Variants in BMPER observed in about 807,000 individuals in gnomAD.
BMPER encodes BMP-binding endothelial regulator protein.
BMPER carries 45 observed loss-of-function variants against 87.3 expected under a neutral mutation model. The ratio of observed to expected loss-of-function variants is 0.52; its 90% CI spans 0.41 to 0.66. The LOEUF is 0.66. BMPER is among the 30% of genes least tolerant of loss of function. The pLI, the probability that BMPER is intolerant of heterozygous loss-of-function variation, is 0.00. For synonymous variants in BMPER, 326 were observed against 316.2 expected, an observed-to-expected ratio of 1.03 and a Z score of -0.33; for missense variants, 784 against 867.5, an observed-to-expected ratio of 0.90 and a Z score of 1.21.
chr7:34,038,861 T>C (rs1195288013), intron 6 of BMPER, among the ~76,000 whole-genome samples: 1 of 152,218 alleles, frequency 6.6e-6, no homozygotes, highest in Non-Finnish European at 1.5e-5. Flanking sequence ...CCAAAACTCA[T>C]ATGTAGCCAT....
intron 14 of BMPER, among the ~76,000 whole-genome samples, chr7:34,150,854 T>C (rs1416672769): frequency 6.6e-6 from 1 of 152,148 alleles, no homozygotes; most frequent in African/African-American, 2.4e-5. Flanking sequence ...GGTGTGTGTA[T>C]GTAGCGAGAG....
chr7:33,940,559 C>T (rs1784726654), intron 3 of BMPER, among the ~76,000 whole-genome samples: 1 of 152,130 alleles, frequency 6.6e-6, no homozygotes. Context: ...AACTCTTTTG[C>T]ATTCTGCATT....
intron 6 of BMPER, among the ~76,000 whole-genome samples, chr7:34,004,614 C>G (rs908412479): frequency 6.6e-6 from 1 of 152,148 alleles, no homozygotes; most frequent in Non-Finnish European, 1.5e-5. Context: ...AAGTGACTTT[C>G]TTAAACTTAT....
chr7:33,965,801 T>C (rs1785391100), intron 3 of BMPER, among the ~76,000 whole-genome samples: 1 of 152,248 alleles, frequency 6.6e-6, no homozygotes, highest in African/African-American at 2.4e-5. Context: ...ACTGGCTTAT[T>C]TCTTCTTTTG....
chr7:33,907,448 T>G (rs1783850561), intron 2 of BMPER, among the ~76,000 whole-genome samples: 2 of 152,200 alleles, frequency 1.3e-5, no homozygotes, highest in African/African-American at 2.4e-5. Context: ...ATTTCTGATT[T>G]GGAAGCATGA....
chr7:33,970,318 C>T lies in BMPER; in HGVS notation c.403-11C>T. Reference sequence around the variant, plus strand: ...CTGGGCTGACTTTGCTTGTTTTGTTCTGTGTTTCAGGAGGGCGTTGTCACA... The same window carrying T: ...CTGGGCTGACTTTGCTTGTTTTGTTTTGTGTTTCAGGAGGGCGTTGTCACA... On this transcript the variant is annotated splice_polypyrimidine_tract_variant and intron_variant, in intron 4 of 14. Transcript: ENST00000649409. 1 of 1,612,306 alleles carries T rather than the reference C, an allele frequency of 6.2e-7. No individual in the cohort carries two copies. The highest frequency in any genetic ancestry group is 8.5e-7 in the Non-Finnish European group (1 of 1,178,652).
At chr7:33,916,177 C>T (rs149377554) in intron 2 of BMPER, among the ~76,000 whole-genome samples, 60 of 152,272 alleles carry the variant, frequency 3.9e-4, no homozygotes, top group African/African-American at 1.2e-3. Context: ...TCAGAAGAGG[C>T]GACTGCTGCT....
At chr7:33,905,322 G>T (rs1783778110), upstream of BMPER, among the ~76,000 whole-genome samples, 4 of 151,056 alleles carry the variant, frequency 2.6e-5, no homozygotes, top group Admixed American at 2.6e-4. Flanking sequence ...CGGCGCTGAG[G>T]GGCTGACTGC....
intron 6 of BMPER, 124 bp downstream of exon 6, chr7:33,974,908 C>G: frequency 1.0e-6 from 1 of 966,642 alleles, no homozygotes; most frequent in Non-Finnish European, 1.7e-6. Context: ...GTCCGTCCCT[C>G]CTGATGTGGA....
intron 6 of BMPER, among the ~76,000 whole-genome samples, chr7:33,976,119 C>T (rs1474546728): frequency 6.6e-6 from 1 of 151,932 alleles, no homozygotes; most frequent in East Asian, 1.9e-4. Flanking sequence ...CATGTTGTTC[C>T]TCTCCTGCTA....
chr7:34,025,302 C>G (rs1787327700), intron 6 of BMPER, among the ~76,000 whole-genome samples: 1 of 151,908 alleles, frequency 6.6e-6, no homozygotes, highest in African/African-American at 2.4e-5. Context: ...GCCTGAGAGG[C>G]TGTGGGGAAG....
In BMPER at chr7:34,073,269, T is replaced by C. The variant is rs993668807; in HGVS notation, c.1079-5588T>C. ...AATGGTAGGAATATGTTCTGAGAAG[T>C]GCATCATTAGGCAATTTTGCCATTA... is the stretch of plus-strand genomic sequence containing the variant. On this transcript the variant is annotated intron_variant, in intron 11 of 14. Transcript: ENST00000649409. Among the ~76,000 whole-genome samples, 7 of 152,322 alleles carry C rather than the reference T, an allele frequency of 4.6e-5. No individual in the cohort carries two copies. The South Asian group carries it at 1.5e-3, about 32-fold the overall frequency.
At chr7:33,930,526 T>G (rs1585647637) in intron 2 of BMPER, among the ~76,000 whole-genome samples, 1 of 152,214 alleles carries the variant, frequency 6.6e-6, no homozygotes, top group East Asian at 1.9e-4. Flanking sequence ...GGAGCAGGTA[T>G]AAGCTTGCAT....
chr7:33,962,339 T>C (rs2128616695), intron 3 of BMPER, among the ~76,000 whole-genome samples: 2 of 152,304 alleles, frequency 1.3e-5, no homozygotes, highest in East Asian at 1.9e-4. Context: ...AGCCAAAATA[T>C]ATACAAAAGA....
At chr7:33,920,600 AT>A (rs1313151906) in intron 2 of BMPER, among the ~76,000 whole-genome samples, 1 of 151,258 alleles carries the variant, frequency 6.6e-6, no homozygotes, top group Non-Finnish European at 1.5e-5. Flanking sequence ...TAATTTTTGT[AT>A]TTTTAGTAGA....
chr7:34,094,353 G>A (rs772249713), intron 13 of BMPER, among the ~76,000 whole-genome samples: 58 of 152,322 alleles, frequency 3.8e-4, no homozygotes, highest in Non-Finnish European at 8.1e-4. Context: ...GTAATGGTGG[G>A]AATAGGGTAG....
chr7:33,909,326 G>C (rs964628737), intron 2 of BMPER, among the ~76,000 whole-genome samples: 4 of 152,272 alleles, frequency 2.6e-5, no homozygotes, highest in Middle Eastern at 3.4e-3. Context: ...CAGCCTATTT[G>C]TTGAGTTAAA....
chr7:33,922,554 C>T (rs1423005990), intron 2 of BMPER, among the ~76,000 whole-genome samples: 3 of 152,144 alleles, frequency 2.0e-5, no homozygotes, highest in East Asian at 1.9e-4. Flanking sequence ...TTTTAGTTTC[C>T]GTCTCTAGTG....
At chr7:34,040,648 A>T (rs983810704) in intron 6 of BMPER, among the ~76,000 whole-genome samples, 1 of 152,166 alleles carries the variant, frequency 6.6e-6, no homozygotes, top group African/African-American at 2.4e-5. Context: ...TTATTTGTAG[A>T]TTCAAAAGCA....
Sources: gnomAD v4.1 joint callset for allele counts (sites outside exome capture counted in the v4.1 genomes callset) on GRCh38, gnomAD v4.1.1 for gene constraint, MANE v1.5 for transcripts, NCBI Gene and HGNC (gene_info 2026-07-23, HGNC 2026-07-21) for gene names.